LINGO2: variants seen among roughly 807,000 people sequenced by gnomAD.
The protein encoded by LINGO2 is leucine-rich repeat and immunoglobulin-like domain-containing nogo receptor-interacting protein 2.
LINGO2 carries 14 observed loss-of-function variants against 30.6 expected under a neutral mutation model. The ratio of observed to expected loss-of-function variants is 0.46; its 90% CI spans 0.30 to 0.72. LINGO2 has a LOEUF of 0.72. Ranked by LOEUF, LINGO2 falls within the 30% of genes least tolerant of loss-of-function variation. The probability of loss-of-function intolerance (pLI) is 0.07; values close to 1 mark genes in which losing one functional copy is unlikely to be tolerated. For synonymous variants in LINGO2, 317 were observed against 288.5 expected (o/e 1.10, Z -1.00); for missense variants, 729 against 751.7 (o/e 0.97, Z 0.35).
chr9:28,841,172 A>T, the LINGO2 span, among the ~76,000 whole-genome samples: 1 of 151,852 alleles, frequency 6.6e-6, no homozygotes, highest in Non-Finnish European at 1.5e-5. Context: ...ATATACTACA[A>T]TAAAATGCAT....
chr9:28,375,672 C>T (rs1205305677), intron 2 of LINGO2, among the ~76,000 whole-genome samples: 1 of 152,160 alleles, frequency 6.6e-6, no homozygotes, highest in Admixed American at 6.5e-5. Flanking sequence ...TTCTTTGATA[C>T]TGCATCCCCA....
intron 4 of LINGO2, among the ~76,000 whole-genome samples, chr9:28,036,560 T>TTA (rs1823945445): frequency 6.6e-6 from 1 of 152,196 alleles, no homozygotes; most frequent in Non-Finnish European, 1.5e-5. Context: ...TAGGCAAATA[T>TTA]GGTTTCCATC....
chr9:28,999,763 T>C, the LINGO2 span, among the ~76,000 whole-genome samples: 1 of 152,000 alleles, frequency 6.6e-6, no homozygotes, highest in African/African-American at 2.4e-5. Flanking sequence ...TTGTGCATTA[T>C]AAACAGTTTC....
the LINGO2 span, among the ~76,000 whole-genome samples, chr9:28,899,716 C>A: frequency 6.6e-6 from 1 of 152,316 alleles, no homozygotes; most frequent in Non-Finnish European, 1.5e-5. Context: ...GCACACATAG[C>A]CCCAGGCTTC....
chr9:28,002,015 G>T (rs933954179), intron 5 of LINGO2, among the ~76,000 whole-genome samples: 16 of 152,122 alleles, frequency 1.1e-4, no homozygotes, highest in African/African-American at 3.9e-4. Flanking sequence ...CTGCCCTATG[G>T]CAAAACTTTC....
chr9:28,520,351 T>C (rs891788168), intron 1 of LINGO2, among the ~76,000 whole-genome samples: 1 of 152,158 alleles, frequency 6.6e-6, no homozygotes, highest in Admixed American at 6.5e-5. Context: ...TTTTTAGTAA[T>C]ATTGGAATGC....
intron 4 of LINGO2, among the ~76,000 whole-genome samples, chr9:28,064,818 C>T (rs930900647): frequency 2.6e-5 from 4 of 152,010 alleles, no homozygotes; most frequent in Non-Finnish European, 5.9e-5. Context: ...TGCCAACTGG[C>T]ATGTTGGGGA....
At chr9:28,012,967 A>C (rs1822635320) in intron 4 of LINGO2, among the ~76,000 whole-genome samples, 1 of 152,020 alleles carries the variant, frequency 6.6e-6, no homozygotes. Flanking sequence ...CTGATTGCGG[A>C]ATTACATAAA....
chr9:28,455,182 TG>T (rs542661514), intron 2 of LINGO2, among the ~76,000 whole-genome samples: 21 of 151,964 alleles, frequency 1.4e-4, no homozygotes, highest in Non-Finnish European at 2.4e-4. Flanking sequence ...AGAGACACAA[TG>T]GGAGACATCG....
At chr9:28,352,641 GA>G (rs1331113011) in intron 3 of LINGO2, among the ~76,000 whole-genome samples, 1 of 130,330 alleles carries the variant, frequency 7.7e-6, no homozygotes, top group Non-Finnish European at 1.6e-5. Flanking sequence ...CACAGAATTG[GA>G]AAAAACTACT....
chr9:28,356,860 C>CACTT (rs748288227), intron 3 of LINGO2, among the ~76,000 whole-genome samples: 9 of 151,746 alleles, frequency 5.9e-5, no homozygotes, highest in Non-Finnish European at 1.3e-4. Context: ...AGATACTAAG[C>CACTT]AAGTTTACTT....
At chr9:28,608,509 T>C (rs1196314904) in intron 1 of LINGO2, among the ~76,000 whole-genome samples, 2 of 152,016 alleles carry the variant, frequency 1.3e-5, no homozygotes, top group Non-Finnish European at 1.5e-5. Flanking sequence ...CCGGTTATTA[T>C]GTGCATAAAT....
chr9:28,858,327 T>C, the LINGO2 span, among the ~76,000 whole-genome samples: 1 of 152,074 alleles, frequency 6.6e-6, no homozygotes, highest in Non-Finnish European at 1.5e-5. Context: ...AAGAATCACT[T>C]GGGAAGTTTT....
At chr9:28,457,251 G>A (rs1294983298) in intron 2 of LINGO2, among the ~76,000 whole-genome samples, 1 of 152,056 alleles carries the variant, frequency 6.6e-6, no homozygotes, top group Non-Finnish European at 1.5e-5. Flanking sequence ...TCCTTGCAAG[G>A]GACCAACTAT....
At chr9:28,632,563 T>C (rs1826998535) in intron 1 of LINGO2, among the ~76,000 whole-genome samples, 1 of 147,366 alleles carries the variant, frequency 6.8e-6, no homozygotes, top group Admixed American at 6.9e-5. Context: ...ATAATATATA[T>C]CTCGATATAC....
At chr9:28,996,616 A>G in the LINGO2 span, among the ~76,000 whole-genome samples, 1 of 152,202 alleles carries the variant, frequency 6.6e-6, no homozygotes, top group Non-Finnish European at 1.5e-5. Context: ...TTCTTCCTGT[A>G]TTAATTTCCT....
chr9:28,210,922 C>G (rs1820567723), intron 4 of LINGO2, among the ~76,000 whole-genome samples: 1 of 151,370 alleles, frequency 6.6e-6, no homozygotes, highest in Admixed American at 6.6e-5. Context: ...TATAATAGAG[C>G]CAAGAACTGA....
chr9:28,681,055 A>G, the LINGO2 span, among the ~76,000 whole-genome samples: 3 of 152,058 alleles, frequency 2.0e-5, no homozygotes, highest in African/African-American at 7.2e-5. Flanking sequence ...GTCTTCTTCA[A>G]GTAGTTTTGA....
the LINGO2 span, among the ~76,000 whole-genome samples, chr9:28,765,808 C>A: frequency 6.6e-6 from 1 of 151,884 alleles, no homozygotes; most frequent in African/African-American, 2.4e-5. Flanking sequence ...TATCTCATAG[C>A]AGCACAAAAC....
Sources: allele counts gnomAD v4.1 joint callset (sites outside exome capture counted in the v4.1 genomes callset), GRCh38; gene constraint gnomAD v4.1.1; transcripts MANE v1.5; gene names NCBI Gene and HGNC (gene_info 2026-07-23, HGNC 2026-07-21).